RBM47: variants seen among roughly 807,000 people sequenced by gnomAD.
RBM47 encodes RNA binding motif protein 47, also known as RNA-binding protein 47.
RBM47 carries 21 observed loss-of-function variants against 47.1 expected under a neutral mutation model. That is an observed-to-expected ratio of 0.45 (90% CI 0.32 to 0.64). The LOEUF is 0.64. Ranked by LOEUF, RBM47 falls within the 30% of genes least tolerant of loss-of-function variation. The pLI, the probability that RBM47 is intolerant of heterozygous loss-of-function variation, is 0.05. For synonymous variants in RBM47, 375 were observed against 361.7 expected (o/e 1.04, Z -0.42); for missense variants, 708 against 870.9 (o/e 0.81, Z 2.35).
At chr4:40,545,758 G>A (rs1728988306) in intron 1 of RBM47, among the ~76,000 whole-genome samples, 1 of 150,868 alleles carries the variant, frequency 6.6e-6, no homozygotes, top group African/African-American at 2.4e-5. Flanking sequence ...CTAACAGGGA[G>A]GGGAAGCTCA....
intron 1 of RBM47, among the ~76,000 whole-genome samples, chr4:40,618,714 CA>C (rs1736968452): frequency 7.0e-6 from 1 of 141,888 alleles, no homozygotes; most frequent in Non-Finnish European, 1.5e-5. Context: ...GAGGCTGAGG[CA>C]GGAAAGTTGC....
intron 6 of RBM47, chr4:40,427,537 C>A (rs1479027329): frequency 1.3e-5 from 2 of 152,146 alleles, no homozygotes; most frequent in Non-Finnish European, 2.9e-5. Context: ...TGAGATGCTT[C>A]ATTGAAAAGA....
chr4:40,484,021 A>C (rs1323852193), intron 2 of RBM47, among the ~76,000 whole-genome samples: 1 of 152,210 alleles, frequency 6.6e-6, no homozygotes, highest in East Asian at 1.9e-4. Flanking sequence ...TGGTTAAATA[A>C]ATGGTGACAC....
intron 1 of RBM47, among the ~76,000 whole-genome samples, chr4:40,592,961 ATATATATATATATATATATTTT>A (rs1734333040): frequency 1.4e-4 from 2 of 14,456 alleles, no homozygotes; most frequent in African/African-American, 2.7e-4. Context: ...ATATATATAT[ATATATATATATATATATATTTT>A]TTTTTTTTTT....
chr4:40,585,840 C>G (rs1379532187), intron 1 of RBM47, among the ~76,000 whole-genome samples: 1 of 152,218 alleles, frequency 6.6e-6, no homozygotes, highest in African/African-American at 2.4e-5. Context: ...ATCTGGCAAA[C>G]AGCAAGCACT....
Position 40,425,928 on chromosome 4 carries a change from G to C in RBM47, c.1758C>G (p.Ile586Met). The change falls in exon 7 of 7, where the codon ATC becomes ATG. Residue 586 changes from isoleucine (I) to methionine (M), a missense_variant. Physicochemically the swap from Ile to Met is conservative, Grantham distance 10. Coordinates refer to ENST00000295971, the MANE Select transcript of RBM47 (RefSeq NM_001098634.2). The part of the protein sequence containing the change: ...AFPAAAIQVP[I>M]PDVYQTY ...CTCAGTATGTCTGGTAGACGTCGGG[G>C]ATGGGGACCTGAATGGCAGCAGCAG... 6.2e-7 allele frequency: 1 copy of C among 1,614,214 alleles called. No individual in the cohort carries two copies.
chr4:40,426,777 C>T (rs1715116598), intron 6 of RBM47: 1 of 152,184 alleles, frequency 6.6e-6, no homozygotes, highest in East Asian at 1.9e-4. Flanking sequence ...TTTTTATTGT[C>T]TTTATTCAAG....
chr4:40,431,264 G>A (rs3105207), intron 6 of RBM47, among the ~76,000 whole-genome samples: 60,655 of 152,010 alleles, frequency 0.4, 13,838 homozygotes, highest in East Asian at 0.71. Context: ...CAAAGAAACA[G>A]GACACAGTCT....
intron 2 of RBM47, among the ~76,000 whole-genome samples, chr4:40,469,329 C>G (rs908927014): frequency 4.6e-5 from 7 of 151,894 alleles, no homozygotes; most frequent in Non-Finnish European, 1.0e-4. Flanking sequence ...CACGGCTATT[C>G]AAGTAACACA....
chr4:40,461,796 A>G (rs1031997417), intron 3 of RBM47, among the ~76,000 whole-genome samples: 2 of 152,216 alleles, frequency 1.3e-5, no homozygotes, highest in African/African-American at 4.8e-5. Flanking sequence ...TTAGTCGGGC[A>G]TGGTGGCAGG....
intron 2 of RBM47, among the ~76,000 whole-genome samples, chr4:40,467,029 G>C (rs1050834470): frequency 6.6e-6 from 1 of 152,092 alleles, no homozygotes; most frequent in Non-Finnish European, 1.5e-5. Context: ...GTTTAAGAAG[G>C]AATACAGATG....
chr4:40,592,967 ATATATATATATATTTTTTTTTTTT>A (rs1734350833), intron 1 of RBM47, among the ~76,000 whole-genome samples: 1 of 16,830 alleles, frequency 5.9e-5, no homozygotes, highest in African/African-American at 2.6e-4. Context: ...ATATATATAT[ATATATATATATATTTTTTTTTTTT>A]TTTTTTTTTT....
chr4:40,487,454 T>C (rs1244308471), intron 2 of RBM47, among the ~76,000 whole-genome samples: 2 of 152,112 alleles, frequency 1.3e-5, no homozygotes, highest in Non-Finnish European at 2.9e-5. Context: ...CATGCCCAGC[T>C]AATTTTTGTA....
intron 2 of RBM47, among the ~76,000 whole-genome samples, chr4:40,472,619 G>A (rs1348159099): frequency 2.0e-5 from 3 of 150,856 alleles, no homozygotes; most frequent in Admixed American, 2.0e-4. Context: ...CATTCCATAG[G>A]ACTAAAATGA....
chr4:40,500,909 G>A (rs2154250079), intron 2 of RBM47, among the ~76,000 whole-genome samples: 1 of 152,084 alleles, frequency 6.6e-6, no homozygotes, highest in Non-Finnish European at 1.5e-5. Flanking sequence ...ACATTCTTTG[G>A]TTTTCTATCA....
Position 40,438,782 on chromosome 4 carries a change from G to C in RBM47, c.112C>G (p.Leu38Val), listed in dbSNP as rs1351087249. Residue 38 changes from leucine to valine, a missense_variant, in exon 4 of 7, where the codon CTG becomes GTG. Transcript: ENST00000295971. ...GAPNEAALLA[L>V]MERTGYSMVQ... is the part of the protein sequence containing the mutation. Reference sequence around the variant, plus strand: ...ATGCTGTAGCCCGTGCGCTCCATCAGCGCCAGCAGTGCTGCCTCGTTGGGC... The same window carrying C: ...ATGCTGTAGCCCGTGCGCTCCATCACCGCCAGCAGTGCTGCCTCGTTGGGC... 1 of 1,560,752 alleles carries C rather than the reference G, an allele frequency of 6.4e-7. No individual in the cohort carries two copies. Among genetic ancestry groups the C allele is most frequent in the African/African-American group, 1.4e-5 (1 of 74,040 alleles).
chr4:40,532,000 CTTT>C (rs914974086), intron 2 of RBM47, among the ~76,000 whole-genome samples: 1 of 146,800 alleles, frequency 6.8e-6, no homozygotes, highest in Non-Finnish European at 1.5e-5. Flanking sequence ...CAATCTCTCT[CTTT>C]TTTTTTTATC....
chr4:40,437,051 G>A (rs1258790427), intron 4 of RBM47, among the ~76,000 whole-genome samples: 1 of 119,606 alleles, frequency 8.4e-6, no homozygotes, highest in East Asian at 2.4e-4. Flanking sequence ...ACCAGCCTGG[G>A]GAGCATGGTG....
chr4:40,490,897 G>GA (rs35009430), intron 2 of RBM47, among the ~76,000 whole-genome samples: 4 of 151,700 alleles, frequency 2.6e-5, no homozygotes, highest in African/African-American at 9.7e-5. Context: ...TAGTTTCTGG[G>GA]AAAAAAAATT....
Sources: allele counts gnomAD v4.1 joint callset (sites outside exome capture counted in the v4.1 genomes callset), GRCh38; gene constraint gnomAD v4.1.1; transcripts MANE v1.5; gene names NCBI Gene and HGNC (gene_info 2026-07-23, HGNC 2026-07-21).